Variants in FRMD4A observed in about 807,000 individuals in gnomAD.
FRMD4A encodes the protein FERM domain containing 4A, also known as FERM domain-containing protein 4A.
FRMD4A carries 29 observed loss-of-function variants against 129.1 expected under a neutral mutation model. The ratio of observed to expected loss-of-function variants is 0.22; its 90% CI spans 0.17 to 0.31. The LOEUF (loss-of-function observed/expected upper bound fraction) is 0.31. Ranked by LOEUF, FRMD4A falls within the 10% of genes least tolerant of loss-of-function variation. FRMD4A has a pLI of 1.00. For synonymous variants in FRMD4A, 634 were observed against 571.6 expected (o/e 1.11, Z -1.56); for missense variants, 1,272 against 1,375.8 (o/e 0.92, Z 1.19).
chr10:14,148,861 C>T (rs1020607188), intron 2 of FRMD4A, among the ~76,000 whole-genome samples: 4 of 152,004 alleles, frequency 2.6e-5, no homozygotes, highest in African/African-American at 9.7e-5. Flanking sequence ...AGATCTTGGG[C>T]AAGACCGTCT....
chr10:14,217,807 G>A (rs1267266017), intron 2 of FRMD4A, among the ~76,000 whole-genome samples: 2 of 151,748 alleles, frequency 1.3e-5, no homozygotes, highest in Non-Finnish European at 2.9e-5. Context: ...CCAAGATAGT[G>A]ATCATTTATT....
At chr10:14,320,273 G>A (rs1398584168) in intron 2 of FRMD4A, among the ~76,000 whole-genome samples, 2 of 152,114 alleles carry the variant, frequency 1.3e-5, no homozygotes, top group African/African-American at 2.4e-5. Flanking sequence ...ATGCCCCCAA[G>A]AGCATTTGCA....
At chr10:13,650,345 G>A (rs2081456565) in intron 24 of FRMD4A, among the ~76,000 whole-genome samples, 1 of 152,170 alleles carries the variant, frequency 6.6e-6, no homozygotes, top group Admixed American at 6.5e-5. Context: ...TGTCTTACCT[G>A]GTCTGGGAAG....
intron 2 of FRMD4A, among the ~76,000 whole-genome samples, chr10:14,120,865 G>C (rs1334610766): frequency 1.3e-5 from 2 of 152,222 alleles, no homozygotes; most frequent in Non-Finnish European, 2.9e-5. Context: ...TCTCCTGGCT[G>C]ATGTCCCTTC....
At chr10:13,702,620 T>C (rs2086951689) in intron 13 of FRMD4A, among the ~76,000 whole-genome samples, 1 of 151,866 alleles carries the variant, frequency 6.6e-6, no homozygotes, top group African/African-American at 2.4e-5. Flanking sequence ...TTTGGGGCAT[T>C]TTACATGGAC....
At position 13,942,288 on chromosome 10, in the gene FRMD4A, T is replaced by C. The variant is rs186947595; in HGVS notation, c.46-83376A>G. On this transcript the variant is annotated intron_variant, in intron 2 of 24. Transcript: ENST00000357447. ...CACTGTCTTGACATCTCCATAGATGTCTCTGCAATGATGGGCCCCTCCCTG... is the reference window on the plus strand; with the variant it reads ...CACTGTCTTGACATCTCCATAGATGCCTCTGCAATGATGGGCCCCTCCCTG... Among the ~76,000 whole-genome samples the C allele has an allele frequency of 1.4e-3, 206 of 152,320 alleles. No homozygotes were observed. In the East Asian group the frequency reaches 0.016, roughly 12 times the overall value.
intron 2 of FRMD4A, among the ~76,000 whole-genome samples, chr10:14,077,915 G>T (rs1396397738): frequency 1.3e-5 from 2 of 152,162 alleles, no homozygotes; most frequent in Non-Finnish European, 2.9e-5. Flanking sequence ...GCAAGCATGT[G>T]CTCATGTGGA....
chr10:14,177,181 C>T (rs945650357), intron 2 of FRMD4A, among the ~76,000 whole-genome samples: 3 of 151,956 alleles, frequency 2.0e-5, no homozygotes, highest in Non-Finnish European at 2.9e-5. Context: ...AATCATGTAC[C>T]CTTCTTTTTG....
At chr10:14,241,424 G>A (rs899635350) in intron 2 of FRMD4A, among the ~76,000 whole-genome samples, 2 of 152,012 alleles carry the variant, frequency 1.3e-5, no homozygotes, top group Non-Finnish European at 2.9e-5. Context: ...GGACAACTTT[G>A]TATTCAGGTG....
In FRMD4A at chr10:13,997,868, C is replaced by G. The variant is rs974060638; in HGVS notation, c.46-138956G>C. ...CTGACCTCAAGTGATCTGCTCACCT[C>G]TACCTCCCAAAGTGCTGGGATTACA... On this transcript the variant is annotated intron_variant, in intron 2 of 24. Transcript: ENST00000357447. Among the ~76,000 whole-genome samples, 3 of 152,130 alleles carry G rather than the reference C, an allele frequency of 2.0e-5. No homozygotes were observed. The East Asian group carries it at 5.8e-4, about 29-fold the overall frequency.
rs2081091031 is a variant in FRMD4A, at chr10:13,645,933, A to G, written c.*1105T>C. 6.6e-6 allele frequency: 1 copy of G among 152,638 alleles called. No homozygotes were observed. The highest frequency in any genetic ancestry group is 2.4e-5 in the African/African-American group (1 of 41,452). 9.5% of individuals were successfully genotyped at this position (152,638 alleles called of 1,614,324 possible). ...CGCTTTTACTGGTTGGTTTAATGAG[A>G]GAGAACCACTTTTGGCCATTATCAC... On this transcript the variant is annotated 3_prime_UTR_variant, in exon 25 of 25. Coordinates refer to ENST00000357447, the MANE Select transcript of FRMD4A (RefSeq NM_018027.5).
chr10:13,959,454 A>G (rs2447025), intron 2 of FRMD4A, among the ~76,000 whole-genome samples: 68,180 of 135,660 alleles, frequency 0.5, 17,967 homozygotes, highest in East Asian at 0.84. Flanking sequence ...TCCGGGTGAC[A>G]GAGCAAGACT....
rs1554898662 is a variant in FRMD4A at position 13,789,804 on chromosome 10, T to TGTGTG, written c.299+6691_299+6692insCACAC. Among the ~76,000 whole-genome samples, 168 of 104,128 alleles carry TGTGTG rather than the reference T, an allele frequency of 1.6e-3. 3 individuals carry two copies. Among genetic ancestry groups the TGTGTG allele is most frequent in the African/African-American group, 4.9e-3 (143 of 28,948 alleles). 68.3% of individuals were successfully genotyped at this position (104,128 alleles called of 152,430 possible). On this transcript the variant is annotated intron_variant, in intron 5 of 24. Coordinates refer to ENST00000357447, the MANE Select transcript of FRMD4A (RefSeq NM_018027.5). ...GTGTGTGTGTGTGTGTGTGTGTGTG[T>TGTGTG]TGTGTGGTGAGGGGAGTGGGAAGAG...
chr10:14,078,103 A>G (rs991226089), intron 2 of FRMD4A, among the ~76,000 whole-genome samples: 4 of 152,258 alleles, frequency 2.6e-5, no homozygotes, highest in African/African-American at 9.6e-5. Flanking sequence ...TGAGGCAGAC[A>G]GCATCTCATT....
intron 8 of FRMD4A, among the ~76,000 whole-genome samples, chr10:13,759,395 A>G (rs1416000331): frequency 6.6e-6 from 1 of 152,190 alleles, no homozygotes; most frequent in Non-Finnish European, 1.5e-5. Flanking sequence ...CTGGCAATCC[A>G]TGTGGCCACA....
At chr10:13,796,994 A>T (rs1232357551) in intron 4 of FRMD4A, among the ~76,000 whole-genome samples, 1 of 152,212 alleles carries the variant, frequency 6.6e-6, no homozygotes, top group Non-Finnish European at 1.5e-5. Flanking sequence ...TGCTGGGATT[A>T]CAGGCGTGAG....
intron 2 of FRMD4A, among the ~76,000 whole-genome samples, chr10:14,270,771 G>A (rs1031514371): frequency 1.3e-5 from 2 of 152,182 alleles, no homozygotes; most frequent in African/African-American, 4.8e-5. Flanking sequence ...ATACATAAGA[G>A]TGACGTTCCC....
At position 14,162,649 on chromosome 10, in the gene FRMD4A, T is replaced by G. The variant is rs1434510992; in HGVS notation, c.45+167409A>C. On this transcript the variant is annotated intron_variant, in intron 2 of 24. Coordinates refer to ENST00000357447, the MANE Select transcript of FRMD4A (RefSeq NM_018027.5). Reference sequence around the variant, plus strand: ...TTCTCTGTTTTTTTTTTGTTTTTTTTTTTTTTTTTTGTATATGTTTTCTGC... The same window carrying G: ...TTCTCTGTTTTTTTTTTGTTTTTTTGTTTTTTTTTTGTATATGTTTTCTGC... Among the ~76,000 whole-genome samples the G allele has an allele frequency of 5.6e-4, 84 of 150,400 alleles. 1 individual carries two copies. Among genetic ancestry groups the G allele is most frequent in the South Asian group, 4.2e-3 (20 of 4,754 alleles).
intron 2 of FRMD4A, among the ~76,000 whole-genome samples, chr10:13,976,524 C>A (rs1472533446): frequency 6.7e-6 from 1 of 149,142 alleles, no homozygotes; most frequent in African/African-American, 2.5e-5. Flanking sequence ...CCCTCGTTCA[C>A]TGCTTCTGTA....
Sources: gnomAD v4.1 joint callset for allele counts (sites outside exome capture counted in the v4.1 genomes callset) on GRCh38, gnomAD v4.1.1 for gene constraint, MANE v1.5 for transcripts, NCBI Gene and HGNC (gene_info 2026-07-23, HGNC 2026-07-21) for gene names.